Variants in PRRC1 observed in about 807,000 individuals in gnomAD.
PRRC1 encodes proline rich coiled-coil 1.
In PRRC1, 39 loss-of-function variants were observed where a neutral mutation model predicts 40.7. The ratio of observed to expected loss-of-function variants is 0.96; its 90% CI spans 0.74 to 1.25. The LOEUF (loss-of-function observed/expected upper bound fraction) is 1.25. PRRC1 is among the 50% of genes most tolerant of loss of function. The pLI, the probability that PRRC1 is intolerant of heterozygous loss-of-function variation, is 0.00. For synonymous variants in PRRC1, 175 were observed against 193.3 expected (o/e 0.91, Z 0.79); for missense variants, 573 against 548.3 (o/e 1.05, Z -0.45).
intron 7 of PRRC1, among the ~76,000 whole-genome samples, chr5:127,544,979 C>T (rs1047027666): frequency 6.6e-5 from 10 of 152,330 alleles, no homozygotes; most frequent in South Asian, 2.1e-4. Context: ...GCGTCGCTCA[C>T]GCTGGGAGCT....
rs1159683583 is a variant in PRRC1, at chr5:127,551,896, C to T, written c.1318C>T (p.Leu440=). 1.9e-6 allele frequency: 3 copies of T among 1,614,084 alleles called. No individual in the cohort carries two copies. The highest frequency in any genetic ancestry group is 2.5e-6 in the Non-Finnish European group (3 of 1,179,972). The change falls in exon 9 of 9, where the codon CTG becomes TTG. Residue 440 remains leucine, a synonymous_variant. Transcript: ENST00000296666. ...RAIAGMYKQR[L]PPRTV is the part of the protein sequence containing the mutation. The stretch of plus-strand genomic sequence containing the variant: ...GATAGCGGGCATGTATAAACAGCGC[C>T]TGCCACCCAGGACAGTGTGAGAGGA...
intron 8 of PRRC1, chr5:127,550,591 C>T (rs1172224895): frequency 6.6e-6 from 1 of 152,106 alleles, no homozygotes; most frequent in Non-Finnish European, 1.5e-5. Context: ...ATAAGCAGCA[C>T]CTAGAAATTT....
Position 127,553,648 on chromosome 5 carries a change from C to G in PRRC1, c.*1732C>G, listed in dbSNP as rs1768449636. ...AAGCATGTCCTTACTTAAAATAGTT[C>G]TGCTACTTTCCCTCCTATTATAAGG... On this transcript the variant is annotated 3_prime_UTR_variant, in exon 9 of 9. Coordinates refer to ENST00000296666, the MANE Select transcript of PRRC1 (RefSeq NM_130809.5). The G allele has an allele frequency of 1.4e-6, 2 of 1,427,156 alleles. No homozygotes were observed. The highest frequency in any genetic ancestry group is 2.7e-5 in the Admixed American group (1 of 36,700). 88.4% of individuals were successfully genotyped at this position (1,427,156 alleles called of 1,614,324 possible).
rs371639690 is a variant in PRRC1 at position 127,551,987 on chromosome 5, T to C, written c.*71T>C. 17 of 1,594,778 alleles carry C rather than the reference T, an allele frequency of 1.1e-5. No individual in the cohort carries two copies. In the South Asian group the frequency reaches 1.2e-4, roughly 12 times the overall value. ...TGATGTTAAAGAAGTGGTTGTACCT[T>C]CCTAAATCGAATAGTCTAAATGAAT... On this transcript the variant is annotated 3_prime_UTR_variant, in exon 9 of 9. Transcript: ENST00000296666.
intron 8 of PRRC1, chr5:127,550,607 A>G (rs2127120096): frequency 6.6e-6 from 1 of 152,356 alleles, no homozygotes; most frequent in Middle Eastern, 3.4e-3. Context: ...AATTTGTTAA[A>G]ATGCAGATTC....
At chr5:127,529,990 A>G (rs233035) in intron 4 of PRRC1, among the ~76,000 whole-genome samples, 48,291 of 151,862 alleles carry the variant, frequency 0.32, 7,941 homozygotes, top group East Asian at 0.55. Context: ...AAGTGAAATT[A>G]TATATATGTA....
intron 6 of PRRC1, 131 bp from the exon 7 acceptor site, chr5:127,538,909 G>A (rs1312530818): frequency 1.5e-5 from 8 of 538,520 alleles, no homozygotes; most frequent in Non-Finnish European, 1.2e-5. Context: ...TTTTTGTATT[G>A]TTTGAACGTT....
intron 7 of PRRC1, among the ~76,000 whole-genome samples, chr5:127,539,519 G>A (rs1179792962): frequency 6.6e-6 from 1 of 152,022 alleles, no homozygotes; most frequent in Non-Finnish European, 1.5e-5. Flanking sequence ...GCATTCTCTA[G>A]GTTTGAGTTT....
chr5:127,551,633 A>G (rs1379351842), intron 8 of PRRC1, 74 bp from the exon 9 acceptor site: 1 of 1,440,574 alleles, frequency 6.9e-7, no homozygotes, highest in East Asian at 2.4e-5. Context: ...AAACACTTTG[A>G]AATGTCACTT....
intron 7 of PRRC1, 122 bp from the exon 8 acceptor site, chr5:127,547,697 A>G (rs1231393154): frequency 1.8e-6 from 1 of 546,134 alleles, no homozygotes; most frequent in African/African-American, 1.9e-5. Flanking sequence ...AGTTGGTAAG[A>G]AAAAGATTTC....
chr5:127,539,083 T>A lies in PRRC1; in HGVS notation c.965T>A (p.Ile322Asn). 1 of 1,613,020 alleles carries A rather than the reference T, an allele frequency of 6.2e-7. No homozygotes were observed. The highest frequency in any genetic ancestry group is 8.5e-7 in the Non-Finnish European group (1 of 1,179,102). Residue 322 changes from isoleucine to asparagine, a missense_variant, in exon 7 of 9, where the codon ATC becomes AAC. Ile to Asn is a moderately radical substitution (Grantham distance 149). Transcript: ENST00000296666. ...GATAGCTTGCGTCGAACTGGGGTGA[T>A]CCATGAAAAACAGACAGCTGTGTCA... ...RIDSLRRTGV[I>N]HEKQTAVSVE...
intron 1 of PRRC1, among the ~76,000 whole-genome samples, chr5:127,518,878 C>G (rs1267957642): frequency 6.6e-6 from 1 of 152,140 alleles, no homozygotes; most frequent in East Asian, 1.9e-4. Context: ...CGTGACAAGA[C>G]TTGAGCCCTA....
chr5:127,553,436 G>C lies in PRRC1; in HGVS notation c.*1520G>C. 1 of 1,098,186 alleles carries C rather than the reference G, an allele frequency of 9.1e-7. No individual in the cohort carries two copies. The highest frequency in any genetic ancestry group is 2.5e-5 in the South Asian group (1 of 40,554). The allele number at this position is 1,098,186 out of a possible 1,614,324, so 68.0% of individuals were successfully genotyped here. ...GAGAGACAGCACAGAGAGGTTATAG[G>C]TTGCCTTGGTGTACTTTTGTCCAGG... On this transcript the variant is annotated 3_prime_UTR_variant, in exon 9 of 9. Transcript: ENST00000296666.
rs1768435652 is a variant in PRRC1 at position 127,553,070 on chromosome 5, A to G, written c.*1154A>G. On this transcript the variant is annotated 3_prime_UTR_variant, in exon 9 of 9. Coordinates refer to ENST00000296666, the MANE Select transcript of PRRC1 (RefSeq NM_130809.5). ...TTCTTAATACTGTTGGACTTTGTATATACAAGTTCAAATAACTTTTTCGAA... is the reference window on the plus strand; with the variant it reads ...TTCTTAATACTGTTGGACTTTGTATGTACAAGTTCAAATAACTTTTTCGAA... 1 of 771,282 alleles carries G rather than the reference A, an allele frequency of 1.3e-6. No homozygotes were observed. The highest frequency in any genetic ancestry group is 1.9e-5 in the African/African-American group (1 of 52,860). The allele number at this position is 771,282 out of a possible 1,614,324, so 47.8% of individuals were successfully genotyped here. A position where few individuals can be genotyped will look rare whatever the true frequency, so the allele number is the denominator to read the frequency against.
chr5:127,537,677 AT>A (rs1315563537), intron 6 of PRRC1, among the ~76,000 whole-genome samples: 1 of 151,958 alleles, frequency 6.6e-6, no homozygotes, highest in Non-Finnish European at 1.5e-5. Context: ...TAGCTGAGAT[AT>A]CACCTGCAAA....
intron 5 of PRRC1, among the ~76,000 whole-genome samples, chr5:127,532,402 C>T (rs561644994): frequency 5.3e-4 from 81 of 152,244 alleles, no homozygotes; most frequent in African/African-American, 1.6e-3. Flanking sequence ...CCACCGCGCC[C>T]GGCCATCTTA....
At chr5:127,523,302 T>C (rs2127089916) in intron 1 of PRRC1, among the ~76,000 whole-genome samples, 158 bp from the exon 2 acceptor site, 1 of 152,346 alleles carries the variant, frequency 6.6e-6, no homozygotes, top group Non-Finnish European at 1.5e-5. Flanking sequence ...TTCTTAGAAA[T>C]TTGGACAAAC....
chr5:127,549,489 G>A (rs1027554085), intron 8 of PRRC1: 27 of 152,140 alleles, frequency 1.8e-4, no homozygotes, highest in African/African-American at 6.3e-4. Context: ...GGAGAAAAAA[G>A]ATTTTGATAA....
chr5:127,543,475 C>G (rs1244497891), intron 7 of PRRC1, among the ~76,000 whole-genome samples: 1 of 152,194 alleles, frequency 6.6e-6, no homozygotes, highest in East Asian at 1.9e-4. Flanking sequence ...TGTTTTCCAA[C>G]TTGGTTCCAT....
Sources: gnomAD v4.1 joint callset for allele counts (sites outside exome capture counted in the v4.1 genomes callset) on GRCh38, gnomAD v4.1.1 for gene constraint, MANE v1.5 for transcripts, NCBI Gene and HGNC (gene_info 2026-07-23, HGNC 2026-07-21) for gene names.